PDGFRA: variants seen among roughly 807,000 people sequenced by gnomAD.
PDGFRA encodes platelet-derived growth factor receptor alpha.
PDGFRA carries 25 observed loss-of-function variants against 121.5 expected under a neutral mutation model. That is an observed-to-expected ratio of 0.21 (90% CI 0.15 to 0.29). The LOEUF (loss-of-function observed/expected upper bound fraction) is 0.29. Among genes scored for constraint, PDGFRA ranks in the 10% least tolerant of loss-of-function variants. PDGFRA has a pLI of 1.00. For missense variants in PDGFRA, 1,008 were observed against 1,345.1 expected (o/e 0.75, Z 3.92); for synonymous variants, 463 against 494.8 (o/e 0.94, Z 0.85).
chr4:54,252,695 G>C (rs1388046892), intron 1 of PDGFRA, among the ~76,000 whole-genome samples: 1 of 152,190 alleles, frequency 6.6e-6, no homozygotes, highest in Non-Finnish European at 1.5e-5. Flanking sequence ...GTGGCTTTTG[G>C]GACTGTGAGA....
In PDGFRA at chr4:54,297,263, G is replaced by A. The variant is rs938446095; in HGVS notation, c.*1991G>A. 3 of 233,604 alleles carry A rather than the reference G, an allele frequency of 1.3e-5. No individual in the cohort carries two copies. The highest frequency in any genetic ancestry group is 6.6e-5 in the African/African-American group (3 of 45,354). 14.5% of individuals were successfully genotyped at this position (233,604 alleles called of 1,614,324 possible). On this transcript the variant is annotated 3_prime_UTR_variant, in exon 23 of 23. Coordinates refer to ENST00000257290, the MANE Select transcript of PDGFRA (RefSeq NM_006206.6). The stretch of plus-strand genomic sequence containing the variant: ...ATGGGCTGTGATTACTGCAATCACT[G>A]TGCTATCGGCAGATGATGCTTTGGA...
Position 54,297,318 on chromosome 4 carries a change from C to G in PDGFRA, c.*2046C>G, listed in dbSNP as rs1332921762. On this transcript the variant is annotated 3_prime_UTR_variant, in exon 23 of 23. Coordinates refer to ENST00000257290, the MANE Select transcript of PDGFRA (RefSeq NM_006206.6). ...GCAGAAGCAATAATAAAGTACTTGA[C>G]TACCTACTGGTGTAATCTCAATGCA... The G allele has an allele frequency of 8.6e-6, 2 of 233,602 alleles. No homozygotes were observed. Among genetic ancestry groups the G allele is most frequent in the East Asian group, 1.2e-4 (2 of 16,602 alleles). The allele number at this position is 233,602 out of a possible 1,614,324, so 14.5% of individuals were successfully genotyped here.
chr4:54,256,540 T>C (rs772458010), intron 1 of PDGFRA, among the ~76,000 whole-genome samples: 160 of 150,632 alleles, frequency 1.1e-3, no homozygotes, highest in Admixed American at 1.8e-3. Flanking sequence ...GCCCAGCCTC[T>C]ACAAATAATT....
Position 54,267,652 on chromosome 4 carries a change from T to A in PDGFRA, c.1032T>A (p.Pro344=). 1 of 1,613,912 alleles carries A rather than the reference T, an allele frequency of 6.2e-7. No individual in the cohort carries two copies. The highest frequency in any genetic ancestry group is 8.5e-7 in the Non-Finnish European group (1 of 1,179,828). The stretch of plus-strand genomic sequence containing the variant: ...TTGTAGAGGTGCGGGCCTACCCACC[T>A]CCCAGGATATCCTGGCTGAAAAACA... The part of the protein sequence containing the change: ...HFVVEVRAYP[P]PRISWLKNNL... Residue 344 remains proline, a synonymous_variant, in exon 7 of 23, where the codon CCT becomes CCA. Transcript: ENST00000257290.
Position 54,267,394 on chromosome 4 carries a change from G to A in PDGFRA, c.865G>A (p.Glu289Lys), listed in dbSNP as rs958381664. 15 of 1,614,038 alleles carry A rather than the reference G, an allele frequency of 9.3e-6. No homozygotes were observed. Among genetic ancestry groups the A allele is most frequent in the Admixed American group, 3.3e-5 (2 of 59,996 alleles). ...EATVKDSGDY[E>K]CAARQATREV... is the part of the protein sequence containing the mutation. Reference sequence around the variant, plus strand: ...CACGGTGAAAGACAGTGGAGATTACGAATGTGCTGCCCGCCAGGCTACCAG... The same window carrying A: ...CACGGTGAAAGACAGTGGAGATTACAAATGTGCTGCCCGCCAGGCTACCAG... The change falls in exon 6 of 23, where the codon GAA (glutamate) becomes AAA (lysine). Residue 289 changes from glutamate (E) to lysine (K), a missense_variant. Physicochemically the swap from Glu to Lys is moderately conservative, Grantham distance 56. Around this residue, in one of 5 missense-constraint regions of PDGFRA, gnomAD observed 575 missense variants for 701.8 expected, o/e 0.82. Transcript: ENST00000257290.
intron 1 of PDGFRA, among the ~76,000 whole-genome samples, chr4:54,258,153 G>GTACC (rs1406468247): frequency 6.6e-6 from 1 of 151,882 alleles, no homozygotes; most frequent in African/African-American, 2.4e-5. Context: ...TTTCATGCTT[G>GTACC]TACCTGCTTT....
At chr4:54,285,622 C>T in intron 17 of PDGFRA, 136 bp downstream of exon 17, 2 of 735,630 alleles carry the variant, frequency 2.7e-6, no homozygotes, top group Non-Finnish European at 5.0e-6. Flanking sequence ...TCCTTCATCC[C>T]CTACGCAGGT....
At chr4:54,265,172 C>A in intron 5 of PDGFRA, 123 bp downstream of exon 5, 1 of 887,384 alleles carries the variant, frequency 1.1e-6, no homozygotes, top group Non-Finnish European at 1.9e-6. Context: ...TAGCTTCCCA[C>A]CTCTGGGATG....
chr4:54,277,466 T>C lies in PDGFRA; in HGVS notation c.1865T>C (p.Met622Thr). 1.2e-6 allele frequency: 2 copies of C among 1,613,772 alleles called. No homozygotes were observed. Among genetic ancestry groups the C allele is most frequent in the Non-Finnish European group, 1.7e-6 (2 of 1,179,674 alleles). ...AYGLSRSQPV[M>T]KVAVKMLKPT... Reference sequence around the variant, plus strand: ...GGATTAAGCCGGTCCCAACCTGTCATGAAAGTTGCAGTGAAGATGCTAAAA... The same window carrying C: ...GGATTAAGCCGGTCCCAACCTGTCACGAAAGTTGCAGTGAAGATGCTAAAA... The change falls in exon 13 of 23, where the codon ATG (methionine) becomes ACG (threonine). Residue 622 changes from methionine to threonine, a missense_variant. By Grantham distance (81) the Met-to-Thr change is moderately conservative (BLOSUM62 -1). Coordinates refer to ENST00000257290, the MANE Select transcript of PDGFRA (RefSeq NM_006206.6).
intron 18 of PDGFRA, among the ~76,000 whole-genome samples, 170 bp downstream of exon 18, chr4:54,286,133 C>T (rs1469658762): frequency 6.6e-6 from 1 of 152,084 alleles, no homozygotes; most frequent in Non-Finnish European, 1.5e-5. Context: ...GCCAGCTCCA[C>T]CACTTACTTA....
At chr4:54,280,735 G>A in intron 16 of PDGFRA, 1 of 324,728 alleles carries the variant, frequency 3.1e-6, no homozygotes, top group Non-Finnish European at 5.7e-6. Context: ...AATTTTCTTG[G>A]TGTGTTCCTG....
At chr4:54,294,247 C>T (rs983114622) in intron 22 of PDGFRA, among the ~76,000 whole-genome samples, 1 of 151,606 alleles carries the variant, frequency 6.6e-6, no homozygotes, top group Non-Finnish European at 1.5e-5. Flanking sequence ...TCACGGGGGT[C>T]GGGGAAGGCT....
At chr4:54,233,219 T>C (rs564002349) in intron 1 of PDGFRA, among the ~76,000 whole-genome samples, 1 of 152,176 alleles carries the variant, frequency 6.6e-6, no homozygotes, top group Non-Finnish European at 1.5e-5. Context: ...CGGCTGGGCA[T>C]CGCCGCCAAC....
At chr4:54,261,928 TA>T (rs1357864826) in intron 3 of PDGFRA, among the ~76,000 whole-genome samples, 160 of 48,290 alleles carry the variant, frequency 3.3e-3, no homozygotes, top group African/African-American at 0.01. Flanking sequence ...TATATATATA[TA>T]TATTTTTTTT....
At position 54,270,638 on chromosome 4, in the gene PDGFRA, G is replaced by A. The variant is rs41279521; in HGVS notation, c.1127G>A (p.Arg376Gln). ...DVEKIQEIRY[R>Q]SKLKLIRAKE... ...CAAAATCCTTTTTTTAAAAGGTATC[G>A]AAGCAAATTAAAGCTGATCCGTGCT... The change falls in exon 8 of 23, where the codon CGA (arginine) becomes CAA (glutamine). Residue 376 changes from arginine to glutamine, a missense_variant. Physicochemically the swap from Arg to Gln is conservative, Grantham distance 43. Coordinates refer to ENST00000257290, the MANE Select transcript of PDGFRA (RefSeq NM_006206.6). 1.3e-4 allele frequency: 211 copies of A among 1,594,012 alleles called. No individual in the cohort carries two copies. The highest frequency in any genetic ancestry group is 1.3e-3 in the African/African-American group (97 of 74,620).
Position 54,288,898 on chromosome 4 carries a change from T to C in PDGFRA, c.2774T>C (p.Val925Ala). The change falls in exon 20 of 23, where the codon GTC becomes GCC. Residue 925 changes from valine (V) to alanine (A), a missense_variant and splice_region_variant. Physicochemically the swap from Val to Ala is moderately conservative, Grantham distance 64 (BLOSUM62 0). Around this residue, in one of 5 missense-constraint regions of PDGFRA, gnomAD observed 204 missense variants for 243.0 expected, o/e 0.84. Coordinates refer to ENST00000257290, the MANE Select transcript of PDGFRA (RefSeq NM_006206.6). The stretch of plus-strand genomic sequence containing the variant: ...AAGCCTGACCACGCTACCAGTGAAG[T>C]GTGAGCTCCTTCCCCATCCCGGGGG... ...MAKPDHATSE[V>A]YEIMVKCWNS... The C allele has an allele frequency of 6.3e-7, 1 of 1,599,006 alleles. No homozygotes were observed. Among genetic ancestry groups the C allele is most frequent in the Non-Finnish European group, 8.6e-7 (1 of 1,166,168 alleles).
rs767318506 is a variant in PDGFRA at position 54,267,700 on chromosome 4, C to T, written c.1080C>T (p.Leu360=). ...ACAATCTGACTCTGATTGAAAATCT[C>T]ACTGAGATCACCACTGATGTGGAAA... The part of the protein sequence containing the change: ...LKNNLTLIEN[L]TEITTDVEKI... The change falls in exon 7 of 23, where the codon CTC becomes CTT. Residue 360 remains leucine (L), a synonymous_variant. Transcript: ENST00000257290. The T allele has an allele frequency of 6.2e-7, 1 of 1,614,080 alleles. No individual in the cohort carries two copies. Among genetic ancestry groups the T allele is most frequent in the Admixed American group, 1.7e-5 (1 of 60,016 alleles).
At chr4:54,255,996 G>A (rs1189005258) in intron 1 of PDGFRA, among the ~76,000 whole-genome samples, 1 of 152,118 alleles carries the variant, frequency 6.6e-6, no homozygotes, top group Non-Finnish European at 1.5e-5. Flanking sequence ...TAGGTAAGAA[G>A]AGGATGAGGC....
At chr4:54,232,500 G>A (rs1254725626) in intron 1 of PDGFRA, among the ~76,000 whole-genome samples, 1 of 152,244 alleles carries the variant, frequency 6.6e-6, no homozygotes, top group Admixed American at 6.5e-5. Flanking sequence ...CCCCGCGAAA[G>A]GGGAGCGACA....
Sources: gnomAD v4.1 joint callset for allele counts (sites outside exome capture counted in the v4.1 genomes callset) on GRCh38, gnomAD v4.1.1 for gene constraint, gnomAD v4.1.1 regional missense constraint, MANE v1.5 for transcripts, NCBI Gene and HGNC (gene_info 2026-07-23, HGNC 2026-07-21) for gene names.